Variants in SRRM4 observed in about 807,000 individuals in gnomAD.
SRRM4 encodes the protein serine/arginine repetitive matrix 4.
SRRM4 carries 33 observed loss-of-function variants against 68.9 expected under a neutral mutation model. The observed-to-expected ratio is 0.48, with a 90% confidence interval of 0.36 to 0.64. The LOEUF (loss-of-function observed/expected upper bound fraction) is 0.64, where lower values mean the gene tolerates loss of function less well. Among genes scored for constraint, SRRM4 ranks in the 30% least tolerant of loss-of-function variants. The pLI is 0.00. For synonymous variants in SRRM4, 318 were observed against 318.8 expected, an observed-to-expected ratio of 1.00 and a Z score of 0.03; for missense variants, 817 against 827.1, an observed-to-expected ratio of 0.99 and a Z score of 0.15.
In SRRM4 at chr12:119,115,989, T is replaced by TTCC. The variant is rs1421666184; in HGVS notation, c.366-946_366-944dup. Among the ~76,000 whole-genome samples the TTCC allele has an allele frequency of 3.3e-5, 5 of 152,126 alleles. No individual in the cohort carries two copies. In the East Asian group the frequency reaches 9.6e-4, roughly 29 times the overall value. ...GGTGCTGTAGAAGCCCAGACCTGAA[T>TTCC]TCCTACACAGGATCTTCGGCTAATC... On this transcript the variant is annotated intron_variant, in intron 3 of 12. Transcript: ENST00000267260.
In SRRM4 at chr12:119,112,175, C is replaced by T. The variant is rs186734048; in HGVS notation, c.279-2103C>T. 1.1e-4 allele frequency among the ~76,000 whole-genome samples: 17 copies of T among 152,258 alleles called. No individual in the cohort carries two copies. In the East Asian group the frequency reaches 3.3e-3, roughly 29 times the overall value. On this transcript the variant is annotated intron_variant, in intron 2 of 12. Coordinates refer to ENST00000267260, the MANE Select transcript of SRRM4 (RefSeq NM_194286.4). ...ATAAGTGTAGTTAAGTAGTTAGGTA[C>T]TTAATTCCTGTGATACTTATTTTTA...
chr12:119,067,681 C>T (rs1953854467), intron 1 of SRRM4, among the ~76,000 whole-genome samples: 1 of 152,026 alleles, frequency 6.6e-6, no homozygotes, highest in Non-Finnish European at 1.5e-5. Context: ...GCACTCCAGC[C>T]TGGGTGACAT....
intron 5 of SRRM4, among the ~76,000 whole-genome samples, chr12:119,121,276 C>T (rs976765894): frequency 1.3e-5 from 2 of 152,234 alleles, no homozygotes; most frequent in African/African-American, 2.4e-5. Context: ...TTGCCCCTTC[C>T]CAGGTCCTAG....
chr12:119,065,613 T>G (rs139833608), intron 1 of SRRM4, among the ~76,000 whole-genome samples: 60 of 152,284 alleles, frequency 3.9e-4, no homozygotes, highest in African/African-American at 1.3e-3. Flanking sequence ...CAAGTGCCTG[T>G]AGTCCCAGCT....
chr12:119,016,017 C>T (rs1953478873), intron 1 of SRRM4, among the ~76,000 whole-genome samples: 1 of 151,824 alleles, frequency 6.6e-6, no homozygotes, highest in Admixed American at 6.6e-5. Flanking sequence ...GATGAGGTCA[C>T]ACAAGAATAG....
chr12:119,073,740 C>T, intron 1 of SRRM4, among the ~76,000 whole-genome samples: 1 of 152,156 alleles, frequency 6.6e-6, no homozygotes, highest in East Asian at 1.9e-4. Context: ...CCTACCTCAG[C>T]CTCCAGAGTA....
intron 2 of SRRM4, among the ~76,000 whole-genome samples, chr12:119,109,777 C>G (rs1055810682): frequency 6.6e-6 from 1 of 152,194 alleles, no homozygotes; most frequent in African/African-American, 2.4e-5. Context: ...CCTCCTTTAG[C>G]GCAGAGAAGT....
chr12:119,031,656 T>C (rs1953590696), intron 1 of SRRM4, among the ~76,000 whole-genome samples: 1 of 152,196 alleles, frequency 6.6e-6, no homozygotes, highest in Non-Finnish European at 1.5e-5. Flanking sequence ...TGAAAAAACC[T>C]AGCTGCCTAA....
rs562496499 is a variant in SRRM4 at position 119,140,239 on chromosome 12, G to A, written c.772-5142G>A. Reference sequence around the variant, plus strand: ...AAAATACAAAAAAAATTACCTGGGCGTGGTGGCAGGCACCCGTAATCCCAG... The same window carrying A: ...AAAATACAAAAAAAATTACCTGGGCATGGTGGCAGGCACCCGTAATCCCAG... On this transcript the variant is annotated intron_variant, in intron 8 of 12. Transcript: ENST00000267260. Among the ~76,000 whole-genome samples the A allele has an allele frequency of 5.3e-5, 8 of 152,130 alleles. No individual in the cohort carries two copies. The South Asian group carries it at 6.2e-4, about 12-fold the overall frequency.
intron 1 of SRRM4, among the ~76,000 whole-genome samples, chr12:119,072,249 T>G (rs552095717): frequency 6.6e-6 from 1 of 152,292 alleles, no homozygotes; most frequent in South Asian, 2.1e-4. Flanking sequence ...TTCCCCCTAC[T>G]TATTCACTCC....
chr12:119,145,463 A>G lies in SRRM4; in HGVS notation c.854A>G (p.Tyr285Cys). ...ACCTCGCGAGGACGTTCCCAGGAGT[A>G]CGACTCAGGAAATGACACGTCCTCG... ...LTTSRGRSQE[Y>C]DSGNDTSSPP... Residue 285 changes from tyrosine (Y) to cysteine (C), a missense_variant, in exon 9 of 13, where the codon TAC becomes TGC. Coordinates refer to ENST00000267260, the MANE Select transcript of SRRM4 (RefSeq NM_194286.4). The G allele has an allele frequency of 6.2e-7, 1 of 1,609,882 alleles. No individual in the cohort carries two copies. The highest frequency in any genetic ancestry group is 8.5e-7 in the Non-Finnish European group (1 of 1,178,216).
chr12:119,107,214 G>A (rs1482096310), intron 2 of SRRM4, among the ~76,000 whole-genome samples: 1 of 152,142 alleles, frequency 6.6e-6, no homozygotes, highest in Non-Finnish European at 1.5e-5. Context: ...TAAAATAATG[G>A]TTTGCCAGAA....
intron 1 of SRRM4, among the ~76,000 whole-genome samples, chr12:119,061,196 G>A (rs139017054): frequency 1.4e-4 from 21 of 152,322 alleles, no homozygotes; most frequent in African/African-American, 4.6e-4. Flanking sequence ...GCCCCAGACC[G>A]AAAATTCTTC....
chr12:119,111,342 C>T (rs73213741), intron 2 of SRRM4, among the ~76,000 whole-genome samples: 5,990 of 151,644 alleles, frequency 0.04, 134 homozygotes, highest in African/African-American at 0.056. Flanking sequence ...AGGGTAAAGG[C>T]GTTTGGGATT....
rs56922521 is a variant in SRRM4, at chr12:119,085,420, CAG to C, written c.132-16815_132-16814del. 3.7e-3 allele frequency among the ~76,000 whole-genome samples: 571 copies of C among 152,324 alleles called. 6 individuals are homozygous for C. The highest frequency in any genetic ancestry group is 0.013 in the African/African-American group (556 of 41,578). On this transcript the variant is annotated intron_variant, in intron 1 of 12. Transcript: ENST00000267260. ...GGGTTTGAACCCAGCAGTCTGGCTCCAGGCCATGCCCTTGAGTTTCATGTTCT... is the reference window on the plus strand; with the variant it reads ...GGGTTTGAACCCAGCAGTCTGGCTCCGCCATGCCCTTGAGTTTCATGTTCT...
intron 6 of SRRM4, among the ~76,000 whole-genome samples, 156 bp downstream of exon 6, chr12:119,122,276 C>CAGGAAGGAAGGAAGGA (rs1291077232): frequency 1.1e-5 from 1 of 87,572 alleles, no homozygotes; most frequent in Non-Finnish European, 2.4e-5. Flanking sequence ...GGCAGGAAGG[C>CAGGAAGGAAGGAAGGA]AGGAAGGCAG....
At chr12:118,986,156 C>T (rs888877479) in intron 1 of SRRM4, among the ~76,000 whole-genome samples, 2 of 152,124 alleles carry the variant, frequency 1.3e-5, no homozygotes, top group African/African-American at 4.8e-5. Context: ...CCCCTCGGTG[C>T]CAAGAGATCA....
chr12:119,088,695 G>GGA (rs1555217928), intron 1 of SRRM4, among the ~76,000 whole-genome samples: 1 of 150,788 alleles, frequency 6.6e-6, no homozygotes, highest in African/African-American at 2.4e-5. Context: ...AATAAGTGGG[G>GGA]GGCCACAAAA....
At chr12:119,057,985 A>C (rs1225653860) in intron 1 of SRRM4, among the ~76,000 whole-genome samples, 1 of 152,182 alleles carries the variant, frequency 6.6e-6, no homozygotes, top group African/African-American at 2.4e-5. Context: ...TCTCCTGGAA[A>C]ATAGACTCTC....
Sources: allele counts gnomAD v4.1 joint callset (sites outside exome capture counted in the v4.1 genomes callset), GRCh38; gene constraint gnomAD v4.1.1; transcripts MANE v1.5; gene names NCBI Gene and HGNC (gene_info 2026-07-23, HGNC 2026-07-21).